PPFIA2: variants seen among roughly 807,000 people sequenced by gnomAD.
PPFIA2 encodes PPFI scaffold protein A2.
Under a neutral mutation model 175.5 loss-of-function variants are expected in PPFIA2, and 46 were observed. The observed-to-expected ratio is 0.26, with a 90% CI of 0.21 to 0.34. PPFIA2 has a LOEUF of 0.34. Ranked by LOEUF, PPFIA2 falls within the 10% of genes least tolerant of loss-of-function variation. The pLI is 1.00. For synonymous variants in PPFIA2, 568 were observed against 511.4 expected (o/e 1.11, Z -1.49); for missense variants, 1,179 against 1,506.1 (o/e 0.78, Z 3.60).
Position 81,308,758 on chromosome 12 carries a change from T to G in PPFIA2, c.2643-9376A>C, listed in dbSNP as rs534784566. Among the ~76,000 whole-genome samples the G allele has an allele frequency of 3.3e-5, 5 of 152,350 alleles. No individual in the cohort carries two copies. In the East Asian group the frequency reaches 9.6e-4, roughly 29 times the overall value. ...GAACAAACGAACTGTGGCTTTTCTT[T>G]TCTTGTTATTCCCTAGTAATATCAG... On this transcript the variant is annotated intron_variant, in intron 22 of 32. Transcript: ENST00000549396.
chr12:81,283,138 C>G, intron 25 of PPFIA2, 99 bp from the exon 26 acceptor site: 2 of 1,137,034 alleles, frequency 1.8e-6, no homozygotes, highest in South Asian at 2.7e-5. Flanking sequence ...AATTGTTATA[C>G]AAAATATTTT....
At chr12:81,553,618 A>G (rs1284288892) in intron 4 of PPFIA2, among the ~76,000 whole-genome samples, 1 of 152,048 alleles carries the variant, frequency 6.6e-6, no homozygotes, top group Admixed American at 6.6e-5. Context: ...GACTCTGCGG[A>G]AGAGAGGAGC....
intron 4 of PPFIA2, among the ~76,000 whole-genome samples, chr12:81,491,251 C>G (rs554470003): frequency 6.6e-6 from 1 of 151,542 alleles, no homozygotes; most frequent in Non-Finnish European, 1.5e-5. Context: ...AAATAATTGC[C>G]AATCCAGGTT....
intron 4 of PPFIA2, among the ~76,000 whole-genome samples, chr12:81,647,064 AAGG>A (rs767556940): frequency 9.7e-5 from 4 of 41,126 alleles, no homozygotes; most frequent in African/African-American, 4.5e-4. Flanking sequence ...GTTAAAAAAA[AAGG>A]GGGGGGGAGC....
Position 81,437,757 on chromosome 12 carries a change from T to C in PPFIA2, c.645+2215A>G, listed in dbSNP as rs572602215. ...AATCACAATTAACATTAATAAAATA[T>C]AATATGAATACACATTTTACGTTTT... On this transcript the variant is annotated intron_variant, in intron 7 of 32. Transcript: ENST00000549396. Among the ~76,000 whole-genome samples the C allele has an allele frequency of 6.6e-5, 10 of 152,270 alleles. No individual in the cohort carries two copies. The South Asian group carries it at 1.9e-3, about 28-fold the overall frequency.
At chr12:81,368,271 G>T (rs1205348673) in intron 13 of PPFIA2, 28 of 710,612 alleles carry the variant, frequency 3.9e-5, no homozygotes, top group Non-Finnish European at 6.0e-5. Context: ...ACCCTCTACT[G>T]GGATTGATAC....
chr12:81,645,854 C>T (rs1276359833), intron 4 of PPFIA2, among the ~76,000 whole-genome samples: 1 of 152,196 alleles, frequency 6.6e-6, no homozygotes, highest in Non-Finnish European at 1.5e-5. Context: ...GCTTGGACAC[C>T]AGCTCTTTTA....
intron 3 of PPFIA2, among the ~76,000 whole-genome samples, chr12:81,693,416 T>C (rs1284518312): frequency 6.6e-6 from 1 of 152,014 alleles, no homozygotes; most frequent in Non-Finnish European, 1.5e-5. Context: ...TTGCTCCTGC[T>C]TTCACCGTGT....
At chr12:81,425,280 C>CT (rs979834093) in intron 7 of PPFIA2, among the ~76,000 whole-genome samples, 1 of 152,138 alleles carries the variant, frequency 6.6e-6, no homozygotes, top group African/African-American at 2.4e-5. Context: ...ATATACTTGA[C>CT]TCAGCCTTAT....
At chr12:81,375,429 A>G (rs1442817456) in intron 10 of PPFIA2, among the ~76,000 whole-genome samples, 1 of 152,128 alleles carries the variant, frequency 6.6e-6, no homozygotes, top group Non-Finnish European at 1.5e-5. Flanking sequence ...TAGCAGATGT[A>G]TGATCTTGGG....
chr12:81,723,213 A>G (rs1387717864), intron 3 of PPFIA2, among the ~76,000 whole-genome samples: 4 of 151,054 alleles, frequency 2.6e-5, no homozygotes, highest in Non-Finnish European at 5.9e-5. Context: ...TATAATTAAT[A>G]TCTCAAAATG....
At chr12:81,478,188 T>C (rs2057728924) in intron 4 of PPFIA2, among the ~76,000 whole-genome samples, 1 of 152,228 alleles carries the variant, frequency 6.6e-6, no homozygotes, top group African/African-American at 2.4e-5. Flanking sequence ...TTTTCTAGTT[T>C]ATTTGCATAG....
chr12:81,470,507 G>C (rs916460170), intron 4 of PPFIA2, among the ~76,000 whole-genome samples: 38 of 152,272 alleles, frequency 2.5e-4, no homozygotes, highest in Middle Eastern at 3.4e-3. Flanking sequence ...AAAACAGTTT[G>C]TCAGTTTCTC....
At chr12:81,655,130 T>A (rs986142107) in intron 4 of PPFIA2, among the ~76,000 whole-genome samples, 3 of 152,100 alleles carry the variant, frequency 2.0e-5, no homozygotes, top group African/African-American at 7.2e-5. Flanking sequence ...TCTTTGATTG[T>A]CTGTAGGACC....
At chr12:81,697,300 G>T (rs191600119) in intron 3 of PPFIA2, among the ~76,000 whole-genome samples, 2 of 152,046 alleles carry the variant, frequency 1.3e-5, no homozygotes, top group East Asian at 3.9e-4. Flanking sequence ...ATGTCACACA[G>T]TATGAGAAAT....
rs554689486 is a variant in PPFIA2, at chr12:81,478,451, G to C, written c.304-20585C>G. 5.3e-5 allele frequency among the ~76,000 whole-genome samples: 8 copies of C among 152,082 alleles called. No individual in the cohort carries two copies. The South Asian group carries it at 1.7e-3, about 32-fold the overall frequency. On this transcript the variant is annotated intron_variant, in intron 4 of 32. Transcript: ENST00000549396. ...CTTAGTTATTTCTTGTCTTCTGCTA[G>C]GTTTTGAATTTGTTTGATCCTGCTT...
At chr12:81,505,295 G>C (rs1346436319) in intron 4 of PPFIA2, among the ~76,000 whole-genome samples, 1 of 151,138 alleles carries the variant, frequency 6.6e-6, no homozygotes, top group Non-Finnish European at 1.5e-5. Context: ...AGAAAGAAAA[G>C]GGAAGAAAGG....
chr12:81,279,040 A>G (rs1414738411), intron 27 of PPFIA2: 1 of 152,152 alleles, frequency 6.6e-6, no homozygotes, highest in African/African-American at 2.4e-5. Context: ...AATTCTCAGT[A>G]CTTCAGAATG....
intron 22 of PPFIA2, among the ~76,000 whole-genome samples, chr12:81,306,333 C>T (rs1256185220): frequency 1.3e-5 from 2 of 152,110 alleles, no homozygotes; most frequent in Non-Finnish European, 2.9e-5. Context: ...TTGGGCTGCA[C>T]ATCCATAACA....
Sources: allele counts gnomAD v4.1 joint callset (sites outside exome capture counted in the v4.1 genomes callset), GRCh38; gene constraint gnomAD v4.1.1; transcripts MANE v1.5; gene names NCBI Gene and HGNC (gene_info 2026-07-23, HGNC 2026-07-21).